The following TNS2 variants were observed in gnomAD, a reference collection of about 807,000 sequenced individuals.
The protein encoded by TNS2 is tensin 2.
A neutral mutation model predicts 155.7 loss-of-function variants in TNS2; 77 were observed. That is an observed-to-expected ratio of 0.49 (90% CI 0.41 to 0.60). TNS2 has a LOEUF of 0.60. TNS2 is among the 20% of genes least tolerant of loss of function. The probability of loss-of-function intolerance (pLI) is 0.00; values close to 1 mark genes in which losing one functional copy is unlikely to be tolerated. For synonymous variants in TNS2, 726 were observed against 763.9 expected, an observed-to-expected ratio of 0.95 and a Z score of 0.82; for missense variants, 1,703 against 1,868.8, an observed-to-expected ratio of 0.91 and a Z score of 1.64.
Position 53,059,436 on chromosome 12 carries a change from C to T in TNS2, c.1795C>T (p.Arg599Trp), listed in dbSNP as rs768599726. 9.4e-5 allele frequency: 140 copies of T among 1,491,004 alleles called. No individual in the cohort carries two copies. The highest frequency in any genetic ancestry group is 1.1e-4 in the Non-Finnish European group (127 of 1,123,566). The allele number at this position is 1,491,004 out of a possible 1,614,324, so 92.4% of individuals were successfully genotyped here. The change falls in exon 18 of 29, where the codon CGG becomes TGG. Residue 599 changes from arginine to tryptophan, a missense_variant. Physicochemically the swap from Arg to Trp is moderately radical, Grantham distance 101. Transcript: ENST00000314250. The surrounding 1 kb of genome is among the most constrained non-coding windows in gnomAD (Gnocchi z 4.7). ...CCACTGCTCCTGCCGCCAGGGCTAC[C>T]GGGAGCCCTGCGGGGTTCCCAATGG... ...SRHCSCRQGY[R>W]EPCGVPNGGY...
At chr12:53,049,152 G>A (rs775523369), upstream of TNS2, 8 of 1,575,072 alleles carry the variant, frequency 5.1e-6, no homozygotes, top group Middle Eastern at 3.4e-4. Context: ...CCATGGATGG[G>A]GGTGGAGTAT....
rs771366851 is a variant in TNS2, at chr12:53,050,272, C to CACCA, written c.75+13_75+16dup. 2.3e-5 allele frequency: 36 copies of CACCA among 1,597,404 alleles called. No homozygotes were observed. The highest frequency in any genetic ancestry group is 2.8e-5 in the Non-Finnish European group (33 of 1,172,332). Reference sequence around the variant, plus strand: ...GGGCCGCAAGCAGGGTAGGAGTGCCCACCAGCTGGGCAAAAGAGGGGCAGG... The same window carrying CACCA: ...GGGCCGCAAGCAGGGTAGGAGTGCCCACCAACCAGCTGGGCAAAAGAGGGGCAGG... On this transcript the variant is annotated intron_variant, in intron 1 of 28. Transcript: ENST00000314250. The surrounding 1 kb of genome is among the most constrained non-coding windows in gnomAD (Gnocchi z 4.7).
Position 53,055,208 on chromosome 12 carries a change from G to A in TNS2, c.545G>A (p.Arg182Lys), listed in dbSNP as rs143446734. ...KYLLFNLSEK[R>K]HDLTRLNPKV... ...CAGCTCTTCAACCTTTCAGAGAAAA[G>A]GCATGACCTGACCCGCTTAAACCCC... The change falls in exon 8 of 29, where the codon AGG becomes AAG. Residue 182 changes from arginine (R) to lysine (K), a missense_variant. By Grantham distance (26) the Arg-to-Lys change is conservative (BLOSUM62 2). Transcript: ENST00000314250. 5.8e-5 allele frequency: 93 copies of A among 1,613,866 alleles called. No homozygotes were observed. Among genetic ancestry groups the A allele is most frequent in the Non-Finnish European group, 7.7e-5 (91 of 1,179,980 alleles).
chr12:53,061,795 C>T lies in TNS2; in HGVS notation c.3449-20C>T, dbSNP rs112990937. The T allele has an allele frequency of 3.5e-3, 5,615 of 1,605,688 alleles. 166 individuals carry two copies. The African/African-American group carries it at 0.065, about 19-fold the overall frequency. ...CCTGTGAAAACTCCTCCCCACTGCC[C>T]GCTACCCCTCACCCTGCAGCCATTG... On this transcript the variant is annotated intron_variant, in intron 21 of 28. Transcript: ENST00000314250.
At position 53,061,376 on chromosome 12, in the gene TNS2, C is replaced by G; in HGVS notation, c.3359-4C>G. 1 of 1,614,042 alleles carries G rather than the reference C, an allele frequency of 6.2e-7. No individual in the cohort carries two copies. The highest frequency in any genetic ancestry group is 1.7e-5 in the Admixed American group (1 of 60,006). On this transcript the variant is annotated splice_polypyrimidine_tract_variant and splice_region_variant and intron_variant, in intron 20 of 28. Transcript: ENST00000314250. Reference sequence around the variant, plus strand: ...GGTCTGAACCTACTCCCTCCCTGTCCTAGAGCCTCCTACACAAGAGAGCCA... The same window carrying G: ...GGTCTGAACCTACTCCCTCCCTGTCGTAGAGCCTCCTACACAAGAGAGCCA...
rs771873564 is a variant in TNS2 at position 53,060,149 on chromosome 12, G to A, written c.2508G>A (p.Pro836=). Residue 836 remains proline, a synonymous_variant, in exon 18 of 29, where the codon CCG becomes CCA. Coordinates refer to ENST00000314250, the MANE Select transcript of TNS2 (RefSeq NM_170754.4). The surrounding 1 kb of genome is among the most constrained non-coding windows in gnomAD (Gnocchi z 6.1). ...CTGGCTCCATTTCCCCGGGCAGCCCGCCCTATCCACAATCTAGGAAGCTGA... is the reference window on the plus strand; with the variant it reads ...CTGGCTCCATTTCCCCGGGCAGCCCACCCTATCCACAATCTAGGAAGCTGA... The part of the protein sequence containing the change: ...PRAGSISPGS[P]PYPQSRKLSY... 56 of 1,609,186 alleles carry A rather than the reference G, an allele frequency of 3.5e-5. No individual in the cohort carries two copies. Among genetic ancestry groups the A allele is most frequent in the South Asian group, 1.9e-4 (17 of 90,714 alleles).
intron 10 of TNS2, 75 bp from the exon 11 acceptor site, chr12:53,056,938 C>A: frequency 1.4e-6 from 2 of 1,387,492 alleles, no homozygotes; most frequent in Non-Finnish European, 2.0e-6. Context: ...TCTCCTCCAT[C>A]CCCTGGGGCT....
chr12:53,052,438 C>G lies in TNS2; in HGVS notation c.185-17C>G. On this transcript the variant is annotated splice_polypyrimidine_tract_variant and intron_variant, in intron 2 of 28. Coordinates refer to ENST00000314250, the MANE Select transcript of TNS2 (RefSeq NM_170754.4). ...ACAGGCCCCTGCTAACCCCTCTCCT[C>G]CCCTTACCTTCCCTAGTCTGCAAGG... 6.2e-7 allele frequency: 1 copy of G among 1,614,044 alleles called. No individual in the cohort carries two copies. The highest frequency in any genetic ancestry group is 8.5e-7 in the Non-Finnish European group (1 of 1,179,942).
chr12:53,052,585 C>A, intron 3 of TNS2, 93 bp downstream of exon 3: 1 of 1,519,630 alleles, frequency 6.6e-7, no homozygotes, highest in Non-Finnish European at 9.1e-7. Context: ...CATCAACCCT[C>A]CACCTCCACC....
chr12:53,050,197 C>T lies in TNS2; in HGVS notation c.12C>T (p.Ser4=), dbSNP rs376714677. Reference sequence around the variant, plus strand: ...GCCAGCCGAACACCATGAAGTCCAGCGGCCCTGTGGAGAGGCTGCTCAGAG... The same window carrying T: ...GCCAGCCGAACACCATGAAGTCCAGTGGCCCTGTGGAGAGGCTGCTCAGAG... The part of the protein sequence containing the change: MKS[S]GPVERLLRAL... Residue 4 remains serine (S), a synonymous_variant, in exon 1 of 29, where the codon AGC becomes AGT. Coordinates refer to ENST00000314250, the MANE Select transcript of TNS2 (RefSeq NM_170754.4). The surrounding 1 kb of genome is among the most constrained non-coding windows in gnomAD (Gnocchi z 4.7). 2.2e-5 allele frequency: 35 copies of T among 1,610,706 alleles called. No homozygotes were observed. Among genetic ancestry groups the T allele is most frequent in the African/African-American group, 1.5e-4 (11 of 74,870 alleles).
In TNS2 at chr12:53,055,167, C is replaced by T; in HGVS notation, c.523-19C>T. ...TGCCGGAGATCATTTCTGTCTAAAG[C>T]CCTCCCCCTTTATTTCAGCTCTTCA... On this transcript the variant is annotated intron_variant, in intron 7 of 28. Coordinates refer to ENST00000314250, the MANE Select transcript of TNS2 (RefSeq NM_170754.4). The T allele has an allele frequency of 6.2e-7, 1 of 1,613,618 alleles. No individual in the cohort carries two copies. The highest frequency in any genetic ancestry group is 2.2e-5 in the East Asian group (1 of 44,878).
chr12:53,059,959 G>T lies in TNS2; in HGVS notation c.2318G>T (p.Cys773Phe), dbSNP rs1446172723. The change falls in exon 18 of 29, where the codon TGC (cysteine) becomes TTC (phenylalanine). Residue 773 changes from cysteine (C) to phenylalanine (F), a missense_variant. Transcript: ENST00000314250. The surrounding 1 kb of genome is among the most constrained non-coding windows in gnomAD (Gnocchi z 4.7). ...EGHEGCSYTMCPEGRYGHPGY... is the reference protein window; with the variant it reads ...EGHEGCSYTMFPEGRYGHPGY... ...CACGAGGGCTGCTCCTACACCATGT[G>T]CCCCGAAGGCAGGTATGGGCATCCA... The T allele has an allele frequency of 1.2e-6, 2 of 1,612,812 alleles. No individual in the cohort carries two copies. Among genetic ancestry groups the T allele is most frequent in the Non-Finnish European group, 1.7e-6 (2 of 1,179,688 alleles).
chr12:53,062,336 C>T lies in TNS2; in HGVS notation c.3668-40C>T. The stretch of plus-strand genomic sequence containing the variant: ...GAGGATGGAAGGGAAAGGCGGGGCA[C>T]CCTGGGCATCTCGGGACTTTCCTAC... On this transcript the variant is annotated intron_variant, in intron 23 of 28. Transcript: ENST00000314250. 6 of 1,613,244 alleles carry T rather than the reference C, an allele frequency of 3.7e-6. No homozygotes were observed. In the South Asian group the frequency reaches 6.6e-5, roughly 18 times the overall value.
At chr12:53,054,583 C>G (rs1487494447) in intron 7 of TNS2, 142 bp downstream of exon 7, 2 of 1,166,120 alleles carry the variant, frequency 1.7e-6, no homozygotes, top group Non-Finnish European at 2.3e-6. Context: ...GGGCCCGGAG[C>G]GCGGCCTGGA....
chr12:53,062,542 T>C (rs546665320), intron 24 of TNS2, 78 bp from the exon 25 acceptor site: 285 of 1,606,574 alleles, frequency 1.8e-4, no homozygotes, highest in South Asian at 1.3e-3. Flanking sequence ...CGCCTTCCCT[T>C]GGGGAAGCAG....
rs1307524304 is a variant in TNS2, at chr12:53,055,201, GA to G, written c.539del (p.Glu180GlyfsTer6). ...TTTATTTCAGCTCTTCAACCTTTCAGAGAAAAGGCATGACCTGACCCGCTTA... is the reference window on the plus strand; with the variant it reads ...TTTATTTCAGCTCTTCAACCTTTCAGGAAAAGGCATGACCTGACCCGCTTA... ...RDKYLLFNLS[E>X]KRHDLTRLNP... On this transcript the variant is annotated frameshift_variant, in exon 8 of 29. Transcript: ENST00000314250. LOFTEE classifies it high-confidence loss of function. 1 of 1,613,932 alleles carries G rather than the reference GA, an allele frequency of 6.2e-7. No homozygotes were observed.
At position 53,062,398 on chromosome 12, in the gene TNS2, C is replaced by G. The variant is rs759084759; in HGVS notation, c.3690C>G (p.Ser1230=). The G allele has an allele frequency of 1.2e-6, 2 of 1,613,990 alleles. No individual in the cohort carries two copies. Among genetic ancestry groups the G allele is most frequent in the Middle Eastern group, 1.7e-4 (1 of 6,060 alleles). Residue 1230 remains serine, a synonymous_variant, in exon 24 of 29, where the codon TCC becomes TCG. Coordinates refer to ENST00000314250, the MANE Select transcript of TNS2 (RefSeq NM_170754.4). ...PYFGSLSALV[S]QHSISPISLP... ...CAGGCAGCCTGTCCGCCTTGGTCTCCCAGCACTCCATCTCCCCCATCTCCC... is the reference window on the plus strand; with the variant it reads ...CAGGCAGCCTGTCCGCCTTGGTCTCGCAGCACTCCATCTCCCCCATCTCCC...
At chr12:53,053,158 C>T in intron 3 of TNS2, 2 of 533,960 alleles carry the variant, frequency 3.7e-6, no homozygotes, top group South Asian at 3.9e-5. Flanking sequence ...ATAACTCCTG[C>T]CCTACAGCTG....
At chr12:53,061,790 C>T in intron 21 of TNS2, 25 bp from the exon 22 acceptor site, 1 of 1,601,326 alleles carries the variant, frequency 6.2e-7, no homozygotes, top group Non-Finnish European at 8.5e-7. Flanking sequence ...CTCCTCCCCA[C>T]TGCCCGCTAC....
Sources: gnomAD v4.1 joint callset for allele counts on GRCh38, gnomAD v4.1.1 for gene constraint, Gnocchi (gnomAD v3.1) non-coding constraint, MANE v1.5 for transcripts, NCBI Gene and HGNC (gene_info 2026-07-23, HGNC 2026-07-21) for gene names.